The following PDZD2 variants were observed in gnomAD, a reference collection of about 807,000 sequenced individuals.
PDZD2 encodes the protein PDZ domain-containing protein 2.
In PDZD2, 90 loss-of-function variants were observed where a neutral mutation model predicts 220.7. That is an observed-to-expected ratio of 0.41 (90% confidence interval 0.34 to 0.49). The LOEUF (loss-of-function observed/expected upper bound fraction) is 0.49, where lower values mean the gene tolerates loss of function less well. Among genes scored for constraint, PDZD2 ranks in the 20% least tolerant of loss-of-function variants. The pLI is 0.28. For synonymous variants in PDZD2, 1,375 were observed against 1,450.5 expected, an observed-to-expected ratio of 0.95 and a Z score of 1.18; for missense variants, 3,174 against 3,608.5, an observed-to-expected ratio of 0.88 and a Z score of 3.08.
At chr5:32,004,478 C>T (rs1442558945) in intron 5 of PDZD2, among the ~76,000 whole-genome samples, 1 of 152,212 alleles carries the variant, frequency 6.6e-6, no homozygotes. Flanking sequence ...GTAATCCGTG[C>T]TACTTGGGAG....
At chr5:31,837,456 C>G (rs550524019) in intron 2 of PDZD2, among the ~76,000 whole-genome samples, 1 of 152,134 alleles carries the variant, frequency 6.6e-6, no homozygotes, top group African/African-American at 2.4e-5. Context: ...GGCACAGTGG[C>G]TCATGCCTGT....
At chr5:32,010,084 C>CAAAAAAAAA (rs57019948) in intron 5 of PDZD2, among the ~76,000 whole-genome samples, 6 of 132,012 alleles carry the variant, frequency 4.5e-5, no homozygotes, top group Non-Finnish European at 6.2e-5. Flanking sequence ...AAGACTGTCT[C>CAAAAAAAAA]AAAAAAAAGA....
intron 5 of PDZD2, among the ~76,000 whole-genome samples, chr5:32,003,201 CCACACACAT>C (rs1171074935): frequency 8.0e-5 from 8 of 100,418 alleles, no homozygotes; most frequent in Non-Finnish European, 1.5e-4. Context: ...ACTACACACA[CCACACACAT>C]CACACACCCA....
chr5:32,103,924 A>G (rs1744491641), intron 24 of PDZD2: 2 of 152,306 alleles, frequency 1.3e-5, no homozygotes, highest in South Asian at 4.1e-4. Context: ...CTTTGTCTCT[A>G]GCATCTGGCC....
At chr5:31,896,241 T>C in intron 2 of PDZD2, among the ~76,000 whole-genome samples, 1 of 151,958 alleles carries the variant, frequency 6.6e-6, no homozygotes, top group South Asian at 2.1e-4. Context: ...CCATGTCAGC[T>C]GGTTTCTTGG....
chr5:31,867,884 T>TGGGGTGGGGC (rs1259065346), intron 2 of PDZD2, among the ~76,000 whole-genome samples: 1 of 11,442 alleles, frequency 8.7e-5, no homozygotes, highest in Non-Finnish European at 1.7e-4. Context: ...GCAGCAGGTG[T>TGGGGTGGGGC]GGGGTGGGGC....
intron 21 of PDZD2, among the ~76,000 whole-genome samples, chr5:32,096,806 T>G (rs1041791321): frequency 1.3e-5 from 2 of 149,774 alleles, no homozygotes; most frequent in African/African-American, 2.4e-5. Flanking sequence ...AGGATTCCCA[T>G]CATGATCAAA....
At chr5:31,901,238 T>C (rs1465825253) in intron 2 of PDZD2, among the ~76,000 whole-genome samples, 2 of 151,998 alleles carry the variant, frequency 1.3e-5, no homozygotes, top group African/African-American at 2.4e-5. Context: ...AACAACATGG[T>C]GAAACTCCAT....
chr5:31,748,777 GGTTATCTGTGCATTTGCA>G (rs1399694561), intron 1 of PDZD2, among the ~76,000 whole-genome samples: 2 of 152,246 alleles, frequency 1.3e-5, no homozygotes, highest in Non-Finnish European at 2.9e-5. Context: ...AAAGGTTTTA[GGTTATCTGTGCATTTGCA>G]GTTCCAGGTG....
rs1742277192 is a variant in PDZD2, at chr5:32,084,779, G to A, written c.3683-2352G>A. Among the ~76,000 whole-genome samples the A allele has an allele frequency of 2.0e-5, 3 of 151,946 alleles. No individual in the cohort carries two copies. In the South Asian group the frequency reaches 6.2e-4, roughly 32 times the overall value. Reference sequence around the variant, plus strand: ...AAGATGCTGTGTGTCTGAGGTGGAAGATTAGCCCAAGACTATGCAGGGCCT... The same window carrying A: ...AAGATGCTGTGTGTCTGAGGTGGAAAATTAGCCCAAGACTATGCAGGGCCT... On this transcript the variant is annotated intron_variant, in intron 19 of 24. Coordinates refer to ENST00000438447, the MANE Select transcript of PDZD2 (RefSeq NM_178140.4).
chr5:32,074,955 C>T (rs1438473189), intron 18 of PDZD2, among the ~76,000 whole-genome samples: 1 of 152,026 alleles, frequency 6.6e-6, no homozygotes. Context: ...GGACTACAGG[C>T]GCACACCACC....
intron 6 of PDZD2, among the ~76,000 whole-genome samples, chr5:32,029,261 A>C (rs73751772): frequency 7.1e-6 from 1 of 141,130 alleles, no homozygotes; most frequent in Non-Finnish European, 1.5e-5. Flanking sequence ...GTCCCTAGAC[A>C]GTTGTCCTAG....
At chr5:31,764,814 C>T (rs1464761978) in intron 1 of PDZD2, among the ~76,000 whole-genome samples, 1 of 152,202 alleles carries the variant, frequency 6.6e-6, no homozygotes, top group African/African-American at 2.4e-5. Context: ...CAGTGGCTCA[C>T]ACCTGTTATC....
intron 2 of PDZD2, chr5:31,848,289 G>A (rs1021166906): frequency 5.7e-6 from 1 of 175,396 alleles, no homozygotes. Context: ...TTCAGTTCAT[G>A]TGTCTTAAGG....
At position 32,087,328 on chromosome 5, in the gene PDZD2, G is replaced by C; in HGVS notation, c.3880G>C (p.Glu1294Gln). The C allele has an allele frequency of 1.2e-6, 2 of 1,614,156 alleles. No homozygotes were observed. The highest frequency in any genetic ancestry group is 2.2e-5 in the South Asian group (2 of 91,088). ...CCATGAGGGCAGCCCCTCCCCGGGG[G>C]AGAAAGCAGCGGCTCCCCCTGACTA... is the stretch of plus-strand genomic sequence containing the variant. ...LPHEGSPSPGEKAAAPPDYSK... is the reference protein window; with the variant it reads ...LPHEGSPSPGQKAAAPPDYSK... The change falls in exon 20 of 25, where the codon GAG (glutamate) becomes CAG (glutamine). Residue 1294 changes from glutamate to glutamine, a missense_variant. Coordinates refer to ENST00000438447, the MANE Select transcript of PDZD2 (RefSeq NM_178140.4). The surrounding 1 kb of genome is among the most constrained non-coding windows in gnomAD (Gnocchi z 4.0).
rs182515606 is a variant in PDZD2 at position 32,089,176 on chromosome 5, G to A, written c.5728G>A (p.Gly1910Arg). 31 of 1,614,168 alleles carry A rather than the reference G, an allele frequency of 1.9e-5. 1 individual carries two copies. Among genetic ancestry groups the A allele is most frequent in the Middle Eastern group, 3.3e-4 (2 of 6,062 alleles). The part of the protein sequence containing the change: ...APAANAVKAG[G>R]TDHRKPLISP... ...TGCTGCGAATGCTGTGAAGGCTGGG[G>A]GGACGGACCACAGGAAACCCTTGAT... Residue 1910 changes from glycine to arginine, a missense_variant, in exon 20 of 25, where the codon GGG becomes AGG. Transcript: ENST00000438447.
intron 2 of PDZD2, among the ~76,000 whole-genome samples, chr5:31,972,928 T>A (rs1465178810): frequency 6.6e-6 from 1 of 152,232 alleles, no homozygotes; most frequent in East Asian, 1.9e-4. Flanking sequence ...TAAGGAACCT[T>A]GATCCACTCA....
Position 32,090,410 on chromosome 5 carries a change from A to T in PDZD2, c.6962A>T (p.Tyr2321Phe). ...KIKVTRRHYCYEQNWPHESTS... is the reference protein window; with the variant it reads ...KIKVTRRHYCFEQNWPHESTS... Reference sequence around the variant, plus strand: ...AAAGTCACCAGACGACACTACTGCTATGAGCAGAACTGGCCCCATGAATCT... The same window carrying T: ...AAAGTCACCAGACGACACTACTGCTTTGAGCAGAACTGGCCCCATGAATCT... Residue 2321 changes from tyrosine (Y) to phenylalanine (F), a missense_variant, in exon 20 of 25, where the codon TAT becomes TTT. By Grantham distance (22) the Tyr-to-Phe change is conservative. Transcript: ENST00000438447. This position sits in a 1 kb window ranked among gnomAD's most constrained non-coding sequence, Gnocchi z 4.3. The T allele has an allele frequency of 6.2e-7, 1 of 1,614,170 alleles. No individual in the cohort carries two copies. Among genetic ancestry groups the T allele is most frequent in the Non-Finnish European group, 8.5e-7 (1 of 1,180,020 alleles).
At chr5:31,778,356 C>T (rs1218969184) in intron 1 of PDZD2, among the ~76,000 whole-genome samples, 1 of 152,124 alleles carries the variant, frequency 6.6e-6, no homozygotes, top group Non-Finnish European at 1.5e-5. Flanking sequence ...TTTGTTCTTT[C>T]GCTCTTTGTA....
Sources: allele counts gnomAD v4.1 joint callset (sites outside exome capture counted in the v4.1 genomes callset), GRCh38; gene constraint gnomAD v4.1.1; non-coding constraint Gnocchi (gnomAD v3.1); transcripts MANE v1.5; gene names NCBI Gene and HGNC (gene_info 2026-07-23, HGNC 2026-07-21).